SPP2: variants seen among roughly 807,000 people sequenced by gnomAD.
The protein encoded by SPP2 is secreted phosphoprotein 24.
A neutral mutation model predicts 28.8 loss-of-function variants in SPP2; 34 were observed. The observed-to-expected ratio is 1.18, with a 90% confidence interval of 0.90 to 1.57. The LOEUF is 1.57. SPP2 is among the 40% of genes most tolerant of loss of function. The pLI, the probability that SPP2 is intolerant of heterozygous loss-of-function variation, is 0.00. For synonymous variants in SPP2, 96 were observed against 89.4 expected (o/e 1.07, Z -0.42); for missense variants, 269 against 263.9 (o/e 1.02, Z -0.13).
chr2:234,065,032 C>T (rs529923459), intron 4 of SPP2, among the ~76,000 whole-genome samples: 170 of 152,282 alleles, frequency 1.1e-3, no homozygotes, highest in South Asian at 3.5e-3. Flanking sequence ...TTTGTGTACA[C>T]ATGTATTTAA....
intron 2 of SPP2, among the ~76,000 whole-genome samples, chr2:234,055,553 G>A (rs1693589336): frequency 6.6e-6 from 1 of 152,296 alleles, no homozygotes; most frequent in South Asian, 2.1e-4. Context: ...AAATGGAATT[G>A]CTATGGGTCT....
intron 4 of SPP2, among the ~76,000 whole-genome samples, chr2:234,061,034 C>T (rs934339936): frequency 2.0e-5 from 3 of 152,078 alleles, no homozygotes; most frequent in African/African-American, 7.2e-5. Flanking sequence ...TCATAAAGAC[C>T]ACCTTATAGG....
At chr2:234,068,126 G>C (rs1210746914) in intron 6 of SPP2, among the ~76,000 whole-genome samples, 1 of 152,098 alleles carries the variant, frequency 6.6e-6, no homozygotes, top group Non-Finnish European at 1.5e-5. Context: ...TGGTCCTCAT[G>C]ATAGCCCTGT....
intron 7 of SPP2, among the ~76,000 whole-genome samples, chr2:234,070,770 C>A (rs1414528526): frequency 1.3e-5 from 2 of 152,148 alleles, no homozygotes; most frequent in Non-Finnish European, 2.9e-5. Flanking sequence ...CCGACGTATG[C>A]TTTAAATACT....
At chr2:234,070,044 A>G in intron 7 of SPP2, 21 bp downstream of exon 7, 1 of 1,587,574 alleles carries the variant, frequency 6.3e-7, no homozygotes, top group Non-Finnish European at 8.6e-7. Context: ...GCAGGTGCAC[A>G]CAAGTGTATT....
chr2:234,073,903 C>G (rs1690845130), intron 7 of SPP2, among the ~76,000 whole-genome samples: 1 of 152,224 alleles, frequency 6.6e-6, no homozygotes, highest in Admixed American at 6.5e-5. Context: ...ATTTATTCAA[C>G]AAATGTTCAT....
intron 2 of SPP2, among the ~76,000 whole-genome samples, chr2:234,051,515 A>G (rs1693497768): frequency 6.6e-6 from 1 of 152,196 alleles, no homozygotes; most frequent in South Asian, 2.1e-4. Context: ...TTCCTTGTCA[A>G]TTTGGTAATA....
At position 234,066,498 on chromosome 2, in the gene SPP2, T is replaced by C. The variant is rs758958632; in HGVS notation, c.445-35T>C. 12 of 1,578,826 alleles carry C rather than the reference T, an allele frequency of 7.6e-6. No individual in the cohort carries two copies. In the South Asian group the frequency reaches 1.1e-4, roughly 15 times the overall value. The stretch of plus-strand genomic sequence containing the variant: ...GTGTCTTTCCTTTTTCTTTCTTTCA[T>C]GTGCTGACACATCCTGATGCCTGAA... On this transcript the variant is annotated intron_variant, in intron 4 of 7. Transcript: ENST00000168148.
rs186413162 is a variant in SPP2 at position 234,076,581 on chromosome 2, A to G, written c.*11-264A>G. 2.6e-5 allele frequency among the ~76,000 whole-genome samples: 4 copies of G among 152,248 alleles called. No individual in the cohort carries two copies. The East Asian group carries it at 7.7e-4, about 29-fold the overall frequency. On this transcript the variant is annotated intron_variant, in intron 7 of 7. Transcript: ENST00000168148. ...AACAGATGAACTGATAAATGGATGA[A>G]TGGCTGGATGGCGTATCCTGATCTC...
At chr2:234,065,821 T>C (rs1693808263) in intron 4 of SPP2, among the ~76,000 whole-genome samples, 1 of 152,248 alleles carries the variant, frequency 6.6e-6, no homozygotes, top group Non-Finnish European at 1.5e-5. Context: ...TGTTTTGTTG[T>C]TTCTGTAGTC....
intron 7 of SPP2, among the ~76,000 whole-genome samples, chr2:234,074,701 G>T (rs2125475793): frequency 6.6e-6 from 1 of 152,258 alleles, no homozygotes; most frequent in South Asian, 2.1e-4. Flanking sequence ...GCTCATATAG[G>T]CAATGCAGGG....
chr2:234,060,874 G>A lies in SPP2; in HGVS notation c.444+395G>A, dbSNP rs572576565. 1.8e-4 allele frequency among the ~76,000 whole-genome samples: 28 copies of A among 152,168 alleles called. 4 individuals are homozygous for A. Among genetic ancestry groups the A allele is most frequent in the African/African-American group, 5.3e-4 (22 of 41,508 alleles). ...AGTTTCAGATCTAAGTATGTGGCTC[G>A]CTGGCACTGTGGTTTAGTGCAATCA... On this transcript the variant is annotated intron_variant, in intron 4 of 7. Transcript: ENST00000168148.
In SPP2 at chr2:234,075,487, G is replaced by A. The variant is rs536462775; in HGVS notation, c.*11-1358G>A. Among the ~76,000 whole-genome samples, 4 of 152,194 alleles carry A rather than the reference G, an allele frequency of 2.6e-5. No individual in the cohort carries two copies. In the South Asian group the frequency reaches 8.3e-4, roughly 32 times the overall value. ...CACCCCTTCTCCTCCTGGACCTCAC[G>A]GCCGCGTTGGATGTGGGTGACCACT... On this transcript the variant is annotated intron_variant, in intron 7 of 7. Coordinates refer to ENST00000168148, the MANE Select transcript of SPP2 (RefSeq NM_006944.3).
At chr2:234,069,245 GAC>G (rs1165745166) in intron 6 of SPP2, among the ~76,000 whole-genome samples, 2 of 152,036 alleles carry the variant, frequency 1.3e-5, no homozygotes, top group Non-Finnish European at 2.9e-5. Flanking sequence ...GAAGGCAGAA[GAC>G]ACAGTCTTTT....
Position 234,077,007 on chromosome 2 carries a change from C to T in SPP2, c.*173C>T, listed in dbSNP as rs1475460758. 4 of 152,102 alleles carry T rather than the reference C, an allele frequency of 2.6e-5. No individual in the cohort carries two copies. The highest frequency in any genetic ancestry group is 9.7e-5 in the African/African-American group (4 of 41,410). The allele number at this position is 152,102 out of a possible 1,614,324, so 9.4% of individuals were successfully genotyped here. A position where few individuals can be genotyped will look rare whatever the true frequency, so the allele number is the denominator to read the frequency against. ...ATGCCACGGTGGTCTGACCCTCACA[C>T]TCCTTTTCTCTTAACAGCAAAATGC... On this transcript the variant is annotated 3_prime_UTR_variant, in exon 8 of 8. Transcript: ENST00000168148.
chr2:234,074,309 G>A (rs1013204476), intron 7 of SPP2, among the ~76,000 whole-genome samples: 1 of 152,170 alleles, frequency 6.6e-6, no homozygotes, highest in African/African-American at 2.4e-5. Context: ...TTAATTGATA[G>A]GAAGTGTTAG....
In SPP2 at chr2:234,050,702, A is replaced by T. The variant is rs971575146; in HGVS notation, c.-85A>T. 12 of 1,118,312 alleles carry T rather than the reference A, an allele frequency of 1.1e-5. No homozygotes were observed. The African/African-American group carries it at 1.7e-4, about 16-fold the overall frequency. The allele number at this position is 1,118,312 out of a possible 1,614,324, so 69.3% of individuals were successfully genotyped here. Reference sequence around the variant, plus strand: ...ATTGCTGCAGTCAAAATAAGCAGCCAGTGTTTGATAAAGACAGCTCCTCTT... The same window carrying T: ...ATTGCTGCAGTCAAAATAAGCAGCCTGTGTTTGATAAAGACAGCTCCTCTT... On this transcript the variant is annotated 5_prime_UTR_variant, in exon 1 of 8. Transcript: ENST00000168148.
chr2:234,050,743 C>G lies in SPP2; in HGVS notation c.-44C>G. On this transcript the variant is annotated 5_prime_UTR_variant, in exon 1 of 8. In the 5' UTR this introduces an upstream ATG that the reference lacks. Transcript: ENST00000168148. ...AGCTCCTCTTAGGAAGAACTGTCAT[C>G]CCCAAACACATAGAGAGACACTCTC... The G allele has an allele frequency of 6.4e-7, 1 of 1,564,806 alleles. No homozygotes were observed. Among genetic ancestry groups the G allele is most frequent in the Non-Finnish European group, 8.8e-7 (1 of 1,136,152 alleles).
At chr2:234,054,164 C>G (rs948729584) in intron 2 of SPP2, among the ~76,000 whole-genome samples, 1 of 151,484 alleles carries the variant, frequency 6.6e-6, no homozygotes, top group Non-Finnish European at 1.5e-5. Context: ...ATTGGGTGAG[C>G]TGGCAGAGTC....
Sources: allele counts gnomAD v4.1 joint callset (sites outside exome capture counted in the v4.1 genomes callset), GRCh38; gene constraint gnomAD v4.1.1; transcripts MANE v1.5; gene names NCBI Gene and HGNC (gene_info 2026-07-23, HGNC 2026-07-21).